Variants in LRP2 observed in about 807,000 individuals in gnomAD.
The protein encoded by LRP2 is LDL receptor related protein 2.
A neutral mutation model predicts 531.0 loss-of-function variants in LRP2; 172 were observed. The ratio of observed to expected loss-of-function variants is 0.32; its 90% CI spans 0.29 to 0.37. The LOEUF (loss-of-function observed/expected upper bound fraction) is 0.37, where lower values mean the gene tolerates loss of function less well. Among genes scored for constraint, LRP2 ranks in the 10% least tolerant of loss-of-function variants. The pLI is 1.00. For synonymous variants in LRP2, 1,992 were observed against 2,027.6 expected, an observed-to-expected ratio of 0.98 and a Z score of 0.47; for missense variants, 5,167 against 5,868.3, an observed-to-expected ratio of 0.88 and a Z score of 3.90.
intron 50 of LRP2, chr2:169,182,548 T>C (rs1342440284): frequency 7.1e-7 from 1 of 1,403,196 alleles, no homozygotes; most frequent in Non-Finnish European, 9.3e-7. Flanking sequence ...TGGTGTCATG[T>C]AGAAAATACG....
At chr2:169,169,605 T>C (rs914030064) in intron 60 of LRP2, 97 bp downstream of exon 60, 7 of 889,216 alleles carry the variant, frequency 7.9e-6, no homozygotes, top group African/African-American at 6.5e-5. Flanking sequence ...ACAATACTTA[T>C]GGCCTTTTAA....
chr2:169,247,380 G>T lies in LRP2; in HGVS notation c.2906C>A (p.Thr969Asn). 6.2e-7 allele frequency: 1 copy of T among 1,614,142 alleles called. No individual in the cohort carries two copies. The highest frequency in any genetic ancestry group is 2.2e-5 in the East Asian group (1 of 44,876). ...AAAAACTGGGCAATCTCACTCACCA[G>T]TCTGGATGTTGACATCATACGATTT... ...HLKSYDVNIQTGSNACNQPTH... is the reference protein window; with the variant it reads ...HLKSYDVNIQNGSNACNQPTH... The change falls in exon 20 of 79, where the codon ACT becomes AAT. Residue 969 changes from threonine to asparagine, a missense_variant and splice_region_variant. This residue lies in a region of LRP2 where 2,811 missense variants were observed against 3,058.0 expected (regional missense o/e 0.92). Coordinates refer to ENST00000649046, the MANE Select transcript of LRP2 (RefSeq NM_004525.3).
At chr2:169,352,998 C>A (rs1163580330) in intron 1 of LRP2, among the ~76,000 whole-genome samples, 1 of 152,114 alleles carries the variant, frequency 6.6e-6, no homozygotes. Context: ...ATGTAACAAA[C>A]CTGCACATTC....
rs770026634 is a variant in LRP2 at position 169,154,533 on chromosome 2, G to A, written c.12222C>T (p.Phe4074=). The A allele has an allele frequency of 1.2e-5, 20 of 1,611,434 alleles. No individual in the cohort carries two copies. Among genetic ancestry groups the A allele is most frequent in the Admixed American group, 3.3e-5 (2 of 59,952 alleles). ...ATTCCTCATCTTGAAGATACTCTGAGAACCTCTCAGATGAGAGATTATATT... is the reference window on the plus strand; with the variant it reads ...ATTCCTCATCTTGAAGATACTCTGAAAACCTCTCAGATGAGAGATTATATT... ...IRKYNLSSER[F]SEYLQDEEYI... The change falls in exon 66 of 79, where the codon TTC becomes TTT. Residue 4074 remains phenylalanine (F), a synonymous_variant. Transcript: ENST00000649046.
chr2:169,186,414 A>T (rs1299630651), intron 49 of LRP2, among the ~76,000 whole-genome samples: 1 of 152,164 alleles, frequency 6.6e-6, no homozygotes, highest in Non-Finnish European at 1.5e-5. Context: ...CCACAAAGAG[A>T]TACACACATT....
At chr2:169,280,633 C>A (rs566246624) in intron 10 of LRP2, 114 bp from the exon 11 acceptor site, 3 of 1,088,556 alleles carry the variant, frequency 2.8e-6, no homozygotes, top group African/African-American at 1.6e-5. Context: ...GGTTGTCTTA[C>A]CTGATTTTAA....
Position 169,244,915 on chromosome 2 carries a change from A to T in LRP2, c.3208T>A (p.Ser1070Thr). ...TCCCCATGGCCACAGGTGAACGCCGAAGATGAACAGGTATTATCTACAATA... is the reference window on the plus strand; with the variant it reads ...TCCCCATGGCCACAGGTGAACGCCGTAGATGAACAGGTATTATCTACAATA... Reference protein sequence around the residue: ...CGTLNNTCSSSAFTCGHGECI... With the variant: ...CGTLNNTCSSTAFTCGHGECI... The change falls in exon 22 of 79, where the codon TCG (serine) becomes ACG (threonine). Residue 1070 changes from serine to threonine, a missense_variant. Physicochemically the swap from Ser to Thr is moderately conservative, Grantham distance 58. Around this residue, in one of 6 missense-constraint regions of LRP2, gnomAD observed 2,811 missense variants for 3,058.0 expected, o/e 0.92. Transcript: ENST00000649046. 1 of 1,614,246 alleles carries T rather than the reference A, an allele frequency of 6.2e-7. No homozygotes were observed. Among genetic ancestry groups the T allele is most frequent in the Non-Finnish European group, 8.5e-7 (1 of 1,180,032 alleles).
rs113201834 is a variant in LRP2 at position 169,178,238 on chromosome 2, T to C, written c.10170-212A>G. On this transcript the variant is annotated intron_variant, in intron 52 of 78. Transcript: ENST00000649046. ...AAAAGATGTAGAAGTGAAAAAGCAA[T>C]ACTTAACAAAATAGGAATAGTGTCA... 2.7e-3 allele frequency among the ~76,000 whole-genome samples: 416 copies of C among 152,254 alleles called. 1 individual carries two copies. Among genetic ancestry groups the C allele is most frequent in the African/African-American group, 8.7e-3 (361 of 41,554 alleles).
chr2:169,166,798 T>C (rs920822712), intron 61 of LRP2, among the ~76,000 whole-genome samples: 3 of 152,186 alleles, frequency 2.0e-5, no homozygotes, highest in African/African-American at 7.2e-5. Context: ...GGGAACATGG[T>C]TCACTATGCG....
chr2:169,263,961 T>C (rs1320292787), intron 16 of LRP2, among the ~76,000 whole-genome samples: 17 of 151,734 alleles, frequency 1.1e-4, no homozygotes, highest in Non-Finnish European at 1.9e-4. Context: ...ATGGATGAAA[T>C]TGGAAATCAT....
rs140444992 is a variant in LRP2, at chr2:169,156,353, G to A, written c.12072C>T (p.Thr4024=). The A allele has an allele frequency of 2.4e-5, 39 of 1,613,554 alleles. No homozygotes were observed. In the African/African-American group the frequency reaches 3.9e-4, roughly 16 times the overall value. ...FGTCPQHCRN[T]KGSYECVCAD... ...CACAGACACACTCATAACTTCCTTT[G>A]GTATTTCTGCAGTGCTGGGGACAAG... is the stretch of plus-strand genomic sequence containing the variant. The change falls in exon 65 of 79, where the codon ACC becomes ACT. Residue 4024 remains threonine, a synonymous_variant. Transcript: ENST00000649046.
intron 77 of LRP2, among the ~76,000 whole-genome samples, chr2:169,129,907 A>G (rs1260592088): frequency 2.0e-5 from 3 of 152,208 alleles, no homozygotes; most frequent in South Asian, 4.1e-4. Flanking sequence ...TACTCTCAAC[A>G]GGAGCTGAGG....
At chr2:169,323,988 A>T (rs938022604) in intron 1 of LRP2, among the ~76,000 whole-genome samples, 3 of 152,172 alleles carry the variant, frequency 2.0e-5, no homozygotes, top group African/African-American at 7.2e-5. Context: ...TGAACACCCT[A>T]TCTCTCCAGC....
chr2:169,238,838 G>A (rs1689700496), intron 26 of LRP2, among the ~76,000 whole-genome samples: 1 of 152,178 alleles, frequency 6.6e-6, no homozygotes, highest in African/African-American at 2.4e-5. Context: ...AGTTTGGAGT[G>A]ACCACATGAC....
intron 30 of LRP2, among the ~76,000 whole-genome samples, 184 bp downstream of exon 30, chr2:169,233,227 T>C (rs530520349): frequency 6.6e-6 from 1 of 152,334 alleles, no homozygotes; most frequent in East Asian, 1.9e-4. Flanking sequence ...GTTTGAAATT[T>C]CCATGGTAAA....
intron 1 of LRP2, among the ~76,000 whole-genome samples, chr2:169,341,088 A>C (rs1032367868): frequency 2.0e-5 from 3 of 152,174 alleles, no homozygotes; most frequent in Admixed American, 6.5e-5. Flanking sequence ...GGTTCAGATA[A>C]CATTCAGTGG....
intron 76 of LRP2, among the ~76,000 whole-genome samples, chr2:169,134,887 G>T (rs544603879): frequency 6.6e-6 from 1 of 152,138 alleles, no homozygotes; most frequent in African/African-American, 2.4e-5. Flanking sequence ...AGATCCCATC[G>T]CTCAGGACAA....
intron 1 of LRP2, among the ~76,000 whole-genome samples, chr2:169,352,819 G>C (rs924041796): frequency 1.2e-3 from 23 of 19,436 alleles, no homozygotes; most frequent in Non-Finnish European, 4.6e-3. Context: ...CATGGTCACA[G>C]GGGGGGGAAC....
At chr2:169,305,488 A>G (rs1019029865) in intron 4 of LRP2, among the ~76,000 whole-genome samples, 7 of 152,354 alleles carry the variant, frequency 4.6e-5, no homozygotes, top group African/African-American at 1.7e-4. Context: ...GAAGGAATTT[A>G]GAGACAATCC....
Sources: allele counts gnomAD v4.1 joint callset (sites outside exome capture counted in the v4.1 genomes callset), GRCh38; gene constraint gnomAD v4.1.1; regional missense constraint gnomAD v4.1.1; transcripts MANE v1.5; gene names NCBI Gene and HGNC (gene_info 2026-07-23, HGNC 2026-07-21).